Variants in SBF2 observed in about 807,000 individuals in gnomAD.
The protein encoded by SBF2 is myotubularin-related protein 13.
Under a neutral mutation model 225.2 loss-of-function variants are expected in SBF2, and 112 were observed. The observed-to-expected ratio is 0.50, with a 90% CI of 0.43 to 0.58. The LOEUF is 0.58. Among genes scored for constraint, SBF2 ranks in the 20% least tolerant of loss-of-function variants. The pLI is 0.00. For missense variants in SBF2, 1,996 were observed against 2,206.2 expected (o/e 0.90, Z 1.91); for synonymous variants, 763 against 773.3 (o/e 0.99, Z 0.22).
At chr11:10,112,151 T>A (rs549252876) in intron 2 of SBF2, among the ~76,000 whole-genome samples, 1 of 152,208 alleles carries the variant, frequency 6.6e-6, no homozygotes, top group Non-Finnish European at 1.5e-5. Flanking sequence ...ACACATCTGG[T>A]CTTTCCTTTA....
chr11:10,120,511 C>G (rs1040711001), intron 2 of SBF2, among the ~76,000 whole-genome samples: 3 of 151,948 alleles, frequency 2.0e-5, no homozygotes, highest in African/African-American at 7.3e-5. Flanking sequence ...TTTTAAGGAC[C>G]CTTCATACTG....
chr11:10,269,812 A>G (rs1276226015), intron 1 of SBF2, among the ~76,000 whole-genome samples: 1 of 152,192 alleles, frequency 6.6e-6, no homozygotes, highest in East Asian at 1.9e-4. Context: ...CCTAGGCTAG[A>G]GTACAGTAGT....
At chr11:10,177,875 G>A (rs1012661197) in intron 2 of SBF2, among the ~76,000 whole-genome samples, 3 of 150,030 alleles carry the variant, frequency 2.0e-5, no homozygotes, top group African/African-American at 4.9e-5. Context: ...AAAAGAGCCT[G>A]CATTGCCAAG....
chr11:10,077,077 C>T (rs1473589726), intron 2 of SBF2, among the ~76,000 whole-genome samples: 1 of 152,154 alleles, frequency 6.6e-6, no homozygotes, highest in Admixed American at 6.5e-5. Context: ...GGCTGCAAGG[C>T]CAACCTGCAG....
chr11:10,094,126 T>TCTC (rs2134931281), intron 2 of SBF2, among the ~76,000 whole-genome samples: 1 of 152,138 alleles, frequency 6.6e-6, no homozygotes, highest in Non-Finnish European at 1.5e-5. Flanking sequence ...AGGTCAGGAG[T>TCTC]TTGAGACCAG....
intron 6 of SBF2, among the ~76,000 whole-genome samples, chr11:10,022,947 A>AT (rs1948916081): frequency 6.6e-6 from 1 of 152,150 alleles, no homozygotes; most frequent in African/African-American, 2.4e-5. Context: ...TGGCAAAACA[A>AT]TAAGTAGTGT....
intron 1 of SBF2, among the ~76,000 whole-genome samples, chr11:10,268,845 A>G (rs567350348): frequency 6.6e-6 from 1 of 152,206 alleles, no homozygotes; most frequent in African/African-American, 2.4e-5. Context: ...CCTTGTTTCA[A>G]ACATTTCTAG....
intron 1 of SBF2, among the ~76,000 whole-genome samples, chr11:10,273,357 T>C (rs1962695416): frequency 6.6e-6 from 1 of 152,190 alleles, no homozygotes. Flanking sequence ...AAAAAATTGC[T>C]TCAACATTCA....
chr11:9,862,622 G>A (rs1281540676), intron 17 of SBF2, among the ~76,000 whole-genome samples: 1 of 151,784 alleles, frequency 6.6e-6, no homozygotes, highest in Non-Finnish European at 1.5e-5. Flanking sequence ...GATGTAATGA[G>A]ACTTTAGGGT....
At chr11:10,273,034 C>T (rs1286033356) in intron 1 of SBF2, among the ~76,000 whole-genome samples, 1 of 151,636 alleles carries the variant, frequency 6.6e-6, no homozygotes, top group African/African-American at 2.4e-5. Flanking sequence ...CGCGCCACTG[C>T]ACTCCAGCCT....
chr11:10,205,484 T>C lies in SBF2; in HGVS notation c.56-11497A>G, dbSNP rs532516685. Among the ~76,000 whole-genome samples, 4 of 151,832 alleles carry C rather than the reference T, an allele frequency of 2.6e-5. No homozygotes were observed. In the East Asian group the frequency reaches 7.8e-4, roughly 29 times the overall value. On this transcript the variant is annotated intron_variant, in intron 1 of 39. Transcript: ENST00000256190. Reference sequence around the variant, plus strand: ...CCCTCGGAATGGAGGAACAACACAATGGCAGGACATCTTACCTATCTCTAC... The same window carrying C: ...CCCTCGGAATGGAGGAACAACACAACGGCAGGACATCTTACCTATCTCTAC...
intron 2 of SBF2, among the ~76,000 whole-genome samples, chr11:10,089,417 T>A (rs898580796): frequency 1.3e-5 from 2 of 152,234 alleles, no homozygotes; most frequent in African/African-American, 4.8e-5. Flanking sequence ...TGATTCTGTA[T>A]CTTTCAAAAT....
At chr11:10,264,230 C>G (rs1297437877) in intron 1 of SBF2, among the ~76,000 whole-genome samples, 1 of 152,170 alleles carries the variant, frequency 6.6e-6, no homozygotes, top group African/African-American at 2.4e-5. Context: ...TACAGTGATA[C>G]TTGGTCACCT....
chr11:9,883,370 T>C (rs192709835), intron 17 of SBF2, among the ~76,000 whole-genome samples: 5 of 152,272 alleles, frequency 3.3e-5, no homozygotes, highest in Admixed American at 1.3e-4. Context: ...AATAAATTTA[T>C]ACCCAGGACA....
At chr11:10,169,656 T>G (rs1956110528) in intron 2 of SBF2, among the ~76,000 whole-genome samples, 1 of 152,224 alleles carries the variant, frequency 6.6e-6, no homozygotes, top group Non-Finnish European at 1.5e-5. Flanking sequence ...GCAGATTATC[T>G]CTTCGATAAA....
chr11:9,809,322 C>A (rs1385841765), intron 30 of SBF2: 1 of 275,690 alleles, frequency 3.6e-6, no homozygotes. Flanking sequence ...AACAAAATGA[C>A]ACTTCAAAAA....
At chr11:10,215,049 G>A (rs565074685) in intron 1 of SBF2, among the ~76,000 whole-genome samples, 1 of 152,160 alleles carries the variant, frequency 6.6e-6, no homozygotes, top group Middle Eastern at 3.2e-3. Flanking sequence ...GGCAAGCAAG[G>A]AAGCTCCTGT....
chr11:10,256,890 C>G (rs1014368312), intron 1 of SBF2, among the ~76,000 whole-genome samples: 2 of 152,174 alleles, frequency 1.3e-5, no homozygotes, highest in Non-Finnish European at 2.9e-5. Flanking sequence ...ATAACGAAGT[C>G]TGACACAAGA....
intron 16 of SBF2, among the ~76,000 whole-genome samples, chr11:9,949,413 T>G (rs1468355470): frequency 6.6e-6 from 1 of 152,174 alleles, no homozygotes; most frequent in Non-Finnish European, 1.5e-5. Context: ...CATATAAAGT[T>G]TCTTCATTAA....
Sources: allele counts gnomAD v4.1 joint callset (sites outside exome capture counted in the v4.1 genomes callset), GRCh38; gene constraint gnomAD v4.1.1; transcripts MANE v1.5; gene names NCBI Gene and HGNC (gene_info 2026-07-23, HGNC 2026-07-21).